The following C8orf34 variants were observed in gnomAD, a reference collection of about 807,000 sequenced individuals.
C8orf34 encodes the protein uncharacterized protein C8orf34.
A neutral mutation model predicts 68.3 loss-of-function variants in C8orf34; 65 were observed. The ratio of observed to expected loss-of-function variants is 0.95; its 90% confidence interval spans 0.78 to 1.17. The LOEUF (loss-of-function observed/expected upper bound fraction) is 1.17, where lower values mean the gene tolerates loss of function less well. Ranked by LOEUF, C8orf34 falls within the 50% of genes most tolerant of loss-of-function variation. The probability of loss-of-function intolerance (pLI) is 0.00; values close to 1 mark genes in which losing one functional copy is unlikely to be tolerated. For synonymous variants in C8orf34, 244 were observed against 241.2 expected (o/e 1.01, Z -0.11); for missense variants, 664 against 655.4 (o/e 1.01, Z -0.14).
chr8:68,477,227 A>G (rs1812658565), intron 4 of C8orf34, among the ~76,000 whole-genome samples: 1 of 152,242 alleles, frequency 6.6e-6, no homozygotes, highest in South Asian at 2.1e-4. Context: ...TGGGTTACAG[A>G]GAAGTCAGGA....
intron 10 of C8orf34, among the ~76,000 whole-genome samples, chr8:68,756,086 CA>C (rs11393381): frequency 7.5e-5 from 11 of 145,810 alleles, no homozygotes; most frequent in Admixed American, 1.4e-4. Flanking sequence ...AACAAAAAAA[CA>C]AAAAAAAAAA....
chr8:68,394,717 GA>G (rs1808619381), intron 1 of C8orf34, among the ~76,000 whole-genome samples: 1 of 151,982 alleles, frequency 6.6e-6, no homozygotes, highest in African/African-American at 2.4e-5. Context: ...TTAAGTGAAG[GA>G]AGCTAGTTCC....
At chr8:68,640,339 T>C (rs1818967604) in intron 7 of C8orf34, 37 bp from the exon 8 acceptor site, 1 of 1,594,758 alleles carries the variant, frequency 6.3e-7, no homozygotes, top group African/African-American at 1.3e-5. Flanking sequence ...TCCACTAGAG[T>C]TAATTTTTTT....
intron 7 of C8orf34, among the ~76,000 whole-genome samples, chr8:68,577,991 A>C (rs1467742077): frequency 6.6e-6 from 1 of 151,906 alleles, no homozygotes; most frequent in African/African-American, 2.4e-5. Flanking sequence ...TGTATTTTCC[A>C]TTTCATTTTC....
chr8:68,409,446 A>T (rs1418117604), intron 1 of C8orf34, among the ~76,000 whole-genome samples: 1 of 152,234 alleles, frequency 6.6e-6, no homozygotes, highest in East Asian at 1.9e-4. Flanking sequence ...TTTTTTAACA[A>T]AATTTTAAAA....
At chr8:68,577,998 T>A (rs1816956508) in intron 7 of C8orf34, among the ~76,000 whole-genome samples, 1 of 151,848 alleles carries the variant, frequency 6.6e-6, no homozygotes. Flanking sequence ...TCCATTTCAT[T>A]TTCCACCATA....
At chr8:68,429,815 C>T (rs1427664481) in intron 1 of C8orf34, among the ~76,000 whole-genome samples, 3 of 152,120 alleles carry the variant, frequency 2.0e-5, no homozygotes, top group Admixed American at 6.6e-5. Flanking sequence ...ATTGTATGTG[C>T]CTGTTTATTT....
chr8:68,426,615 C>G (rs562332189), intron 1 of C8orf34, among the ~76,000 whole-genome samples: 2 of 147,296 alleles, frequency 1.4e-5, no homozygotes, highest in East Asian at 4.0e-4. Flanking sequence ...TCCAACAAAG[C>G]AGTAGTATAA....
chr8:68,662,411 C>A (rs1484384095), intron 8 of C8orf34, among the ~76,000 whole-genome samples: 1 of 152,092 alleles, frequency 6.6e-6, no homozygotes, highest in Non-Finnish European at 1.5e-5. Flanking sequence ...GAAATCTCAC[C>A]TTGAGTTATA....
At chr8:68,742,922 T>A (rs1822346313) in intron 10 of C8orf34, among the ~76,000 whole-genome samples, 1 of 152,196 alleles carries the variant, frequency 6.6e-6, no homozygotes, top group Non-Finnish European at 1.5e-5. Context: ...TTAGACCCCA[T>A]TCCCTTCTGA....
At chr8:68,619,688 A>C (rs1007781230) in intron 7 of C8orf34, among the ~76,000 whole-genome samples, 1 of 152,160 alleles carries the variant, frequency 6.6e-6, no homozygotes, top group African/African-American at 2.4e-5. Flanking sequence ...TATTCATCTT[A>C]AAGAAAGACC....
At chr8:68,567,575 A>ATTTTTTTTTTTTTTTTT (rs1563534685) in intron 7 of C8orf34, among the ~76,000 whole-genome samples, 2 of 33,038 alleles carry the variant, frequency 6.1e-5, no homozygotes, top group East Asian at 1.9e-3. Flanking sequence ...TGTTTCATTT[A>ATTTTTTTTTTTTTTTTT]TCTTTTTTTT....
rs1001657638 is a variant in C8orf34, at chr8:68,370,134, A to G, written c.327+38795A>G. 5.3e-5 allele frequency among the ~76,000 whole-genome samples: 8 copies of G among 152,174 alleles called. No individual in the cohort carries two copies. The East Asian group carries it at 1.4e-3, about 26-fold the overall frequency. On this transcript the variant is annotated intron_variant, in intron 1 of 13. Coordinates refer to ENST00000518698, the MANE Select transcript of C8orf34 (RefSeq NM_052958.4). Reference sequence around the variant, plus strand: ...AAATTTTCCCTGGGGCAGACTCTCCATTTGTGGTAATTCAATTCAGGTTTT... The same window carrying G: ...AAATTTTCCCTGGGGCAGACTCTCCGTTTGTGGTAATTCAATTCAGGTTTT...
intron 6 of C8orf34, among the ~76,000 whole-genome samples, chr8:68,531,911 A>G (rs564190542): frequency 6.6e-6 from 1 of 152,050 alleles, no homozygotes; most frequent in Non-Finnish European, 1.5e-5. Context: ...TCACTCCCAA[A>G]GTAGCAAGAG....
intron 4 of C8orf34, among the ~76,000 whole-genome samples, chr8:68,472,677 G>A (rs965877911): frequency 3.9e-5 from 6 of 152,036 alleles, no homozygotes; most frequent in South Asian, 4.1e-4. Flanking sequence ...CCAGGTATAC[G>A]TTTTGTATTT....
intron 7 of C8orf34, among the ~76,000 whole-genome samples, chr8:68,593,457 AC>A (rs376872336): frequency 3.2e-4 from 48 of 152,010 alleles, no homozygotes; most frequent in Middle Eastern, 3.4e-3. Flanking sequence ...CATCTTTAAA[AC>A]TTAGTCTAGG....
intron 8 of C8orf34, among the ~76,000 whole-genome samples, chr8:68,643,523 G>C (rs1342593452): frequency 6.6e-6 from 1 of 152,142 alleles, no homozygotes. Context: ...CCCACTTCAG[G>C]AGACTGAGAA....
At chr8:68,595,982 T>C (rs1373608334) in intron 7 of C8orf34, among the ~76,000 whole-genome samples, 1 of 152,176 alleles carries the variant, frequency 6.6e-6, no homozygotes, top group African/African-American at 2.4e-5. Context: ...ATGTTTCCAA[T>C]ATCACCCTTT....
chr8:68,733,366 C>T (rs1822036962), intron 10 of C8orf34, among the ~76,000 whole-genome samples: 1 of 152,118 alleles, frequency 6.6e-6, no homozygotes, highest in South Asian at 2.1e-4. Context: ...CCACGTTCGC[C>T]AAATGTAGGC....
Sources: allele counts gnomAD v4.1 joint callset (sites outside exome capture counted in the v4.1 genomes callset), GRCh38; gene constraint gnomAD v4.1.1; transcripts MANE v1.5; gene names NCBI Gene and HGNC (gene_info 2026-07-23, HGNC 2026-07-21).